Variants in NUBP1 observed in about 807,000 individuals in gnomAD.
NUBP1 encodes the protein cytosolic Fe-S cluster assembly factor NUBP1.
NUBP1 carries 46 observed loss-of-function variants against 41.8 expected under a neutral mutation model. The observed-to-expected ratio is 1.10, with a 90% CI of 0.87 to 1.41. The LOEUF (loss-of-function observed/expected upper bound fraction) is 1.41, where lower values mean the gene tolerates loss of function less well. Ranked by LOEUF, NUBP1 falls within the 40% of genes most tolerant of loss-of-function variation. NUBP1 has a pLI of 0.00. For missense variants in NUBP1, 494 were observed against 414.0 expected, an observed-to-expected ratio of 1.19 and a Z score of -1.68; for synonymous variants, 189 against 154.6, an observed-to-expected ratio of 1.22 and a Z score of -1.65.
At chr16:10,758,115 A>C in intron 7 of NUBP1, 88 bp downstream of exon 7, 33 of 1,460,504 alleles carry the variant, frequency 2.3e-5, no homozygotes, top group Non-Finnish European at 2.9e-5. Flanking sequence ...CTCTGGTCTC[A>C]CCAAGGCTCT....
rs1596475951 is a variant in NUBP1 at position 10,765,319 on chromosome 16, T to C, written c.821-2630T>C. On this transcript the variant is annotated intron_variant, in intron 9 of 10. Transcript: ENST00000283027. This position sits in a 1 kb window ranked among gnomAD's most constrained non-coding sequence, Gnocchi z 4.0. ...AGCCTGGGTAACACAGGAAGATACC[T>C]CATCTCTTAAAAAAAAAAAAAAAAA... Among the ~76,000 whole-genome samples, 5 of 116,676 alleles carry C rather than the reference T, an allele frequency of 4.3e-5. No homozygotes were observed. The highest frequency in any genetic ancestry group is 2.6e-4 in the East Asian group (1 of 3,788). The allele number at this position is 116,676 out of a possible 152,430, so 76.5% of individuals were successfully genotyped here. A position where few individuals can be genotyped will look rare whatever the true frequency, so the allele number is the denominator to read the frequency against.
chr16:10,744,692 C>A (rs1899980639), intron 2 of NUBP1, among the ~76,000 whole-genome samples: 1 of 152,130 alleles, frequency 6.6e-6, no homozygotes, highest in Admixed American at 6.5e-5. Context: ...GATGAGAGGA[C>A]CCAGGGAGCC....
In NUBP1 at chr16:10,766,805, G is replaced by A. The variant is rs1297474866; in HGVS notation, c.821-1144G>A. ...TGTGTTTAAATACCCTCTACTTGAG[G>A]TACGCCCTATATAAACGAAAAGGAT... On this transcript the variant is annotated intron_variant, in intron 9 of 10. Coordinates refer to ENST00000283027, the MANE Select transcript of NUBP1 (RefSeq NM_002484.4). This position sits in a 1 kb window ranked among gnomAD's most constrained non-coding sequence, Gnocchi z 4.8. 2.5e-6 allele frequency: 1 copy of A among 397,574 alleles called. No homozygotes were observed. The highest frequency in any genetic ancestry group is 4.4e-6 in the Non-Finnish European group (1 of 225,906). The allele number at this position is 397,574 out of a possible 1,614,324, so 24.6% of individuals were successfully genotyped here. A position where few individuals can be genotyped will look rare whatever the true frequency, so the allele number is the denominator to read the frequency against.
At chr16:10,761,708 T>G in intron 8 of NUBP1, 49 bp from the exon 9 acceptor site, 1 of 1,481,754 alleles carries the variant, frequency 6.7e-7, no homozygotes, top group East Asian at 2.3e-5. Flanking sequence ...TCCATCCTTG[T>G]GATTCTGCAA....
chr16:10,759,827 A>G lies in NUBP1; in HGVS notation c.607-1537A>G, dbSNP rs1304640803. On this transcript the variant is annotated intron_variant, in intron 7 of 10. Transcript: ENST00000283027. The surrounding 1 kb of genome is among the most constrained non-coding windows in gnomAD (Gnocchi z 4.7). ...CTGAGTCGCAGCCCATTGACTTTCT[A>G]GCTGAGCGCCCCTTCCTCCGCATCC... Among the ~76,000 whole-genome samples the G allele has an allele frequency of 6.6e-6, 1 of 152,204 alleles. No individual in the cohort carries two copies. The highest frequency in any genetic ancestry group is 2.4e-5 in the African/African-American group (1 of 41,450).
intron 2 of NUBP1, among the ~76,000 whole-genome samples, chr16:10,744,875 A>C (rs1359945797): frequency 1.3e-5 from 2 of 151,602 alleles, no homozygotes; most frequent in African/African-American, 4.9e-5. Context: ...CTCGTGCCTC[A>C]GTCTCCCGAG....
chr16:10,764,611 G>C (rs1407361148), intron 9 of NUBP1, among the ~76,000 whole-genome samples: 1 of 151,432 alleles, frequency 6.6e-6, no homozygotes, highest in Non-Finnish European at 1.5e-5. Context: ...CAGTCTGCTG[G>C]AGTATGTCAG....
intron 7 of NUBP1, among the ~76,000 whole-genome samples, chr16:10,758,300 A>G (rs1900708651): frequency 1.3e-5 from 2 of 152,020 alleles, no homozygotes; most frequent in Admixed American, 1.3e-4. Flanking sequence ...GCAAAACCCC[A>G]TCTCTACAAA....
At chr16:10,751,746 T>C (rs551209450) in intron 3 of NUBP1, among the ~76,000 whole-genome samples, 100 of 152,304 alleles carry the variant, frequency 6.6e-4, no homozygotes, top group African/African-American at 2.4e-3. Context: ...TCCATCTTAC[T>C]TTAAGTTTCT....
In NUBP1 at chr16:10,765,562, CCCAG is replaced by C. The variant is rs2030755348; in HGVS notation, c.821-2383_821-2380del. On this transcript the variant is annotated intron_variant, in intron 9 of 10. Transcript: ENST00000283027. This position sits in a 1 kb window ranked among gnomAD's most constrained non-coding sequence, Gnocchi z 4.0. Reference sequence around the variant, plus strand: ...TGACCCACCCAAATATGTCCACGGGCCCAGCCACAGGCCTGCCCTTGCCATTGTC... The same window carrying C: ...TGACCCACCCAAATATGTCCACGGGCCCACAGGCCTGCCCTTGCCATTGTC... Among the ~76,000 whole-genome samples, 1 of 152,086 alleles carries C rather than the reference CCCAG, an allele frequency of 6.6e-6. No homozygotes were observed. The highest frequency in any genetic ancestry group is 2.4e-5 in the African/African-American group (1 of 41,428).
chr16:10,745,806 A>C (rs1900036333), intron 2 of NUBP1, among the ~76,000 whole-genome samples: 1 of 152,258 alleles, frequency 6.6e-6, no homozygotes, highest in Admixed American at 6.5e-5. Context: ...CAGACGTCTC[A>C]GGGTAGGAGA....
At chr16:10,752,015 G>A (rs983163320) in intron 3 of NUBP1, among the ~76,000 whole-genome samples, 13 of 152,172 alleles carry the variant, frequency 8.5e-5, no homozygotes, top group South Asian at 2.1e-4. Context: ...GCACATGGCC[G>A]CCTCAGCCTC....
Position 10,761,352 on chromosome 16 carries a change from T to C in NUBP1, c.607-12T>C. 1.2e-6 allele frequency: 2 copies of C among 1,612,684 alleles called. No homozygotes were observed. Among genetic ancestry groups the C allele is most frequent in the African/African-American group, 1.3e-5 (1 of 75,034 alleles). On this transcript the variant is annotated splice_polypyrimidine_tract_variant and intron_variant, in intron 7 of 10. Coordinates refer to ENST00000283027, the MANE Select transcript of NUBP1 (RefSeq NM_002484.4). Reference sequence around the variant, plus strand: ...TTTGATGCTGGAATCACTGGTCTTTTCACCTTCGTAGGAGGTGTCACTCCA... The same window carrying C: ...TTTGATGCTGGAATCACTGGTCTTTCCACCTTCGTAGGAGGTGTCACTCCA...
intron 3 of NUBP1, among the ~76,000 whole-genome samples, chr16:10,747,892 A>G (rs932076970): frequency 6.6e-6 from 1 of 152,210 alleles, no homozygotes; most frequent in Non-Finnish European, 1.5e-5. Context: ...CAGTGGGCCA[A>G]ATCCAGCCCA....
At chr16:10,762,540 C>A (rs2030101375) in intron 9 of NUBP1, among the ~76,000 whole-genome samples, 1 of 152,326 alleles carries the variant, frequency 6.6e-6, no homozygotes, top group South Asian at 2.1e-4. Context: ...TGCTGTCCCC[C>A]AGGACCGCGG....
chr16:10,753,874 G>A (rs1900434438), intron 4 of NUBP1, among the ~76,000 whole-genome samples: 1 of 152,078 alleles, frequency 6.6e-6, no homozygotes. Flanking sequence ...TCAGTGGAGT[G>A]ACCAGAGGGG....
chr16:10,762,330 C>A (rs1084543), intron 9 of NUBP1, among the ~76,000 whole-genome samples: 31,048 of 152,124 alleles, frequency 0.2, 4,061 homozygotes, highest in South Asian at 0.34. Flanking sequence ...CACTGGCCTG[C>A]GAGCAGGGGC....
intron 3 of NUBP1, among the ~76,000 whole-genome samples, chr16:10,751,991 T>G (rs1011898518): frequency 2.0e-5 from 3 of 152,184 alleles, no homozygotes; most frequent in Admixed American, 2.0e-4. Flanking sequence ...GAGATAATGA[T>G]ACTTACCTTC....
At chr16:10,762,252 C>T (rs1055982150) in intron 9 of NUBP1, 14 of 168,912 alleles carry the variant, frequency 8.3e-5, no homozygotes, top group Admixed American at 1.8e-4. Flanking sequence ...CTCCTGTGCC[C>T]GGAGAAGCCA....
Sources: gnomAD v4.1 joint callset for allele counts (sites outside exome capture counted in the v4.1 genomes callset) on GRCh38, gnomAD v4.1.1 for gene constraint, Gnocchi (gnomAD v3.1) non-coding constraint, MANE v1.5 for transcripts, NCBI Gene and HGNC (gene_info 2026-07-23, HGNC 2026-07-21) for gene names.